CSNK1G2: variants seen among roughly 807,000 people sequenced by gnomAD.
The protein encoded by CSNK1G2 is casein kinase I isoform gamma-2.
CSNK1G2 carries 11 observed loss-of-function variants against 48.0 expected under a neutral mutation model. The ratio of observed to expected loss-of-function variants is 0.23; its 90% CI spans 0.14 to 0.38. The LOEUF is 0.38. CSNK1G2 is among the 10% of genes least tolerant of loss of function. CSNK1G2 has a pLI of 1.00. For synonymous variants in CSNK1G2, 337 were observed against 254.1 expected (o/e 1.33, Z -3.10); for missense variants, 446 against 595.5 (o/e 0.75, Z 2.61).
intron 1 of CSNK1G2, among the ~76,000 whole-genome samples, chr19:1,943,396 G>A (rs980564808): frequency 1.2e-4 from 19 of 152,226 alleles, no homozygotes; most frequent in Admixed American, 9.8e-4. Context: ...CGATGGTGCA[G>A]CACTTTGTGC....
intron 1 of CSNK1G2, among the ~76,000 whole-genome samples, chr19:1,941,806 C>T (rs1318606292): frequency 6.9e-5 from 10 of 145,480 alleles, no homozygotes; most frequent in East Asian, 6.1e-4. Flanking sequence ...ACCCCGGTGA[C>T]TGTCGTGCTC....
At chr19:1,965,818 G>C (rs911615216) in intron 1 of CSNK1G2, among the ~76,000 whole-genome samples, 58 of 151,636 alleles carry the variant, frequency 3.8e-4, no homozygotes, top group African/African-American at 1.3e-3. Context: ...TGTTTTTGAG[G>C]CACGGTCTCA....
intron 1 of CSNK1G2, among the ~76,000 whole-genome samples, chr19:1,963,503 C>T (rs1031873340): frequency 4.6e-5 from 7 of 151,968 alleles, no homozygotes; most frequent in African/African-American, 7.2e-5. Context: ...TGAGCCACCG[C>T]GCCCAGCCTA....
At chr19:1,948,161 C>T (rs2014632388) in intron 1 of CSNK1G2, among the ~76,000 whole-genome samples, 1 of 152,196 alleles carries the variant, frequency 6.6e-6, no homozygotes, top group South Asian at 2.1e-4. Flanking sequence ...GGCCGCTGCC[C>T]CGGGCCCTGT....
rs2015833262 is a variant in CSNK1G2 at position 1,978,362 on chromosome 19, A to AC, written c.228+21dup. 6.2e-7 allele frequency: 1 copy of AC among 1,609,056 alleles called. No homozygotes were observed. Among genetic ancestry groups the AC allele is most frequent in the Non-Finnish European group, 8.5e-7 (1 of 1,176,814 alleles). ...ATCAAATTGGTGAGTCGGCCCCTCC[A>AC]CCCCACCCCCGCTGACGTGCCCCCC... On this transcript the variant is annotated intron_variant, in intron 3 of 11. Coordinates refer to ENST00000255641, the MANE Select transcript of CSNK1G2 (RefSeq NM_001319.7). The surrounding 1 kb of genome is among the most constrained non-coding windows in gnomAD (Gnocchi z 7.3).
intron 1 of CSNK1G2, among the ~76,000 whole-genome samples, chr19:1,956,968 G>T (rs1411532858): frequency 6.6e-6 from 1 of 152,206 alleles, no homozygotes; most frequent in Non-Finnish European, 1.5e-5. Context: ...CAAGCCAATG[G>T]CTCACCTGGA....
At chr19:1,950,119 A>G (rs548220203) in intron 1 of CSNK1G2, among the ~76,000 whole-genome samples, 8 of 151,318 alleles carry the variant, frequency 5.3e-5, no homozygotes, top group South Asian at 2.1e-4. Flanking sequence ...ATTTTTATTT[A>G]TTTTATTTAT....
intron 1 of CSNK1G2, among the ~76,000 whole-genome samples, chr19:1,964,577 T>C (rs1218897956): frequency 2.6e-5 from 4 of 152,008 alleles, no homozygotes; most frequent in African/African-American, 9.7e-5. Flanking sequence ...ATTCCACAAA[T>C]CCTAGGGCCC....
At chr19:1,954,505 G>A (rs2014911463) in intron 1 of CSNK1G2, 1 of 153,980 alleles carries the variant, frequency 6.5e-6, no homozygotes, top group Non-Finnish European at 1.4e-5. Context: ...CACTGGGACG[G>A]CGGTGGCCTG....
intron 1 of CSNK1G2, among the ~76,000 whole-genome samples, chr19:1,945,839 A>T (rs115933900): frequency 7.1e-6 from 1 of 140,312 alleles, no homozygotes; most frequent in Non-Finnish European, 1.6e-5. Flanking sequence ...AAAAAAAAAA[A>T]AGCTGGTTCT....
intron 2 of CSNK1G2, chr19:1,975,234 C>A: frequency 1.0e-6 from 1 of 985,510 alleles, no homozygotes; most frequent in East Asian, 1.1e-4. Flanking sequence ...TGGCGAGCAT[C>A]CGCCTGCCCG....
Position 1,950,443 on chromosome 19 carries a change from A to T in CSNK1G2, c.-266+9025A>T, listed in dbSNP as rs1262466653. On this transcript the variant is annotated intron_variant, in intron 1 of 11. Coordinates refer to ENST00000255641, the MANE Select transcript of CSNK1G2 (RefSeq NM_001319.7). ...CGTGAGCCACCGCGCCTGGCCATCA[A>T]TGTTTATTTTTAAGTAGCAAAAGAG... Among the ~76,000 whole-genome samples, 6 of 146,860 alleles carry T rather than the reference A, an allele frequency of 4.1e-5. 1 individual carries two copies. Among genetic ancestry groups the T allele is most frequent in the Non-Finnish European group, 8.9e-5 (6 of 67,236 alleles).
At position 1,979,946 on chromosome 19, in the gene CSNK1G2, C is replaced by T. The variant is rs150006074; in HGVS notation, c.1122C>T (p.Asp374=). 6.6e-5 allele frequency: 105 copies of T among 1,601,034 alleles called. No homozygotes were observed. The highest frequency in any genetic ancestry group is 1.7e-4 in the Admixed American group (10 of 58,768). ...LNSTNGELNA[D]DPTAGHSNAP... ...CCACCAACGGGGAGCTGAATGCGGA[C>T]GACCCCACGGCCGGCCACTCCAACG... The change falls in exon 11 of 12, where the codon GAC becomes GAT. Residue 374 remains aspartate (D), a synonymous_variant. Transcript: ENST00000255641.
chr19:1,979,151 C>G lies in CSNK1G2; in HGVS notation c.683-12C>G. ...CCCGGACCCCGCTGAGGCTGCGCCC[C>G]TGTCCCCGCAGAGCAGAGCCGCCGC... On this transcript the variant is annotated splice_polypyrimidine_tract_variant and intron_variant, in intron 6 of 11. Transcript: ENST00000255641. 2.0e-6 allele frequency: 3 copies of G among 1,533,550 alleles called. No homozygotes were observed. Among genetic ancestry groups the G allele is most frequent in the Non-Finnish European group, 1.8e-6 (2 of 1,142,426 alleles). 95.0% of individuals were successfully genotyped at this position (1,533,550 alleles called of 1,614,324 possible).
chr19:1,977,758 A>AAAG (rs2015809645), intron 2 of CSNK1G2, among the ~76,000 whole-genome samples: 1 of 150,838 alleles, frequency 6.6e-6, no homozygotes, highest in African/African-American at 2.5e-5. Context: ...CTCAAAAAAA[A>AAAG]AAAAAAAAAA....
chr19:1,970,065 C>T lies in CSNK1G2; in HGVS notation c.187+106C>T, dbSNP rs1260180892. The T allele has an allele frequency of 2.6e-5, 24 of 913,226 alleles. 1 individual carries two copies. Among genetic ancestry groups the T allele is most frequent in the Non-Finnish European group, 2.6e-5 (18 of 693,792 alleles). The allele number at this position is 913,226 out of a possible 1,614,324, so 56.6% of individuals were successfully genotyped here. On this transcript the variant is annotated intron_variant, in intron 2 of 11. Transcript: ENST00000255641. ...CGCCCGGGGTCACTGGAGCCTCTGG[C>T]GGGGCCGCCCCATGTCACTGGCAGG... is the stretch of plus-strand genomic sequence containing the variant.
At position 1,969,592 on chromosome 19, in the gene CSNK1G2, A is replaced by C; in HGVS notation, c.-181A>C. 1 of 443,732 alleles carries C rather than the reference A, an allele frequency of 2.3e-6. No individual in the cohort carries two copies. The highest frequency in any genetic ancestry group is 3.8e-6 in the Non-Finnish European group (1 of 260,196). 27.5% of individuals were successfully genotyped at this position (443,732 alleles called of 1,614,324 possible). A position where few individuals can be genotyped will look rare whatever the true frequency, so the allele number is the denominator to read the frequency against. ...GAGCGACCCCGAGGCCACTGAGAAG[A>C]GCAGCGCGGCCTGGCCGGCCCGAAC... On this transcript the variant is annotated 5_prime_UTR_variant, in exon 2 of 12. Transcript: ENST00000255641.
Position 1,980,233 on chromosome 19 carries a change from C to T in CSNK1G2, c.*30C>T. ...GGGCGCGTGCAGCCCCCTGAATCTT[C>T]TCCGTGCAGCCCCTTGGGGCGCGAC... On this transcript the variant is annotated 3_prime_UTR_variant, in exon 12 of 12. Coordinates refer to ENST00000255641, the MANE Select transcript of CSNK1G2 (RefSeq NM_001319.7). The T allele has an allele frequency of 6.2e-7, 1 of 1,612,206 alleles. No individual in the cohort carries two copies. The highest frequency in any genetic ancestry group is 1.1e-5 in the South Asian group (1 of 91,052).
At chr19:1,975,059 C>CA in intron 2 of CSNK1G2, 1 of 985,444 alleles carries the variant, frequency 1.0e-6, no homozygotes. Flanking sequence ...AGGTCTCTGA[C>CA]ACGCCAGCCG....
Sources: gnomAD v4.1 joint callset for allele counts (sites outside exome capture counted in the v4.1 genomes callset) on GRCh38, gnomAD v4.1.1 for gene constraint, Gnocchi (gnomAD v3.1) non-coding constraint, MANE v1.5 for transcripts, NCBI Gene and HGNC (gene_info 2026-07-23, HGNC 2026-07-21) for gene names.